The following C3orf22 variants were observed in gnomAD, a reference collection of about 807,000 sequenced individuals.
C3orf22 encodes the protein uncharacterized protein C3orf22.
In C3orf22, 7 loss-of-function variants were observed where a neutral mutation model predicts 10.8. The observed-to-expected ratio is 0.65, with a 90% CI of 0.37 to 1.22. The LOEUF (loss-of-function observed/expected upper bound fraction) is 1.22, where lower values mean the gene tolerates loss of function less well. C3orf22 is among the 50% of genes most tolerant of loss of function. C3orf22 has a pLI of 0.02. For synonymous variants in C3orf22, 79 were observed against 78.9 expected (o/e 1.00, Z 0.00); for missense variants, 173 against 177.0 (o/e 0.98, Z 0.13).
chr3:126,529,840 G>T lies in C3orf22; in HGVS notation c.287-468C>A, dbSNP rs558730942. Among the ~76,000 whole-genome samples the T allele has an allele frequency of 3.3e-4, 50 of 152,246 alleles. No individual in the cohort carries two copies. In the South Asian group the frequency reaches 8.9e-3, roughly 27 times the overall value. On this transcript the variant is annotated intron_variant and NMD_transcript_variant, in intron 4 of 5. Transcript: ENST00000505070. The stretch of plus-strand genomic sequence containing the variant: ...TGTTTCCTTTTTCTAAGCAGTCACC[G>T]CGTGGCTTTCCCTGTGCTGCTCTGG...
At position 126,553,293 on chromosome 3, in the gene C3orf22, C is replaced by T. The variant is rs1258905194; in HGVS notation, c.89+9G>A. ...AGGGCTTGTCTCCAGAGGTGTCAGC[C>T]TCCCGCACCTGTACGGAAACTTCTT... On this transcript the variant is annotated intron_variant, in intron 2 of 3. Coordinates refer to ENST00000318225, the MANE Select transcript of C3orf22 (RefSeq NM_152533.3). The T allele has an allele frequency of 1.9e-6, 3 of 1,605,696 alleles. No homozygotes were observed. Among genetic ancestry groups the T allele is most frequent in the Non-Finnish European group, 8.5e-7 (1 of 1,172,386 alleles).
At chr3:126,556,476 A>C (rs1937332566) in intron 1 of C3orf22, among the ~76,000 whole-genome samples, 1 of 151,904 alleles carries the variant, frequency 6.6e-6, no homozygotes, top group African/African-American at 2.4e-5. Flanking sequence ...TCCTGGGTGC[A>C]GCTCCCAAGT....
intron 1 of C3orf22, among the ~76,000 whole-genome samples, chr3:126,555,175 C>A (rs2107584853): frequency 6.6e-6 from 1 of 152,328 alleles, no homozygotes; most frequent in East Asian, 1.9e-4. Flanking sequence ...TTCACCAGAA[C>A]CCTAGGCCTG....
intron 4 of C3orf22, chr3:126,541,685 C>A: frequency 7.2e-7 from 1 of 1,380,790 alleles, no homozygotes; most frequent in African/African-American, 1.5e-5. Flanking sequence ...GTCAGGGAGC[C>A]CGCGCTGCCC....
chr3:126,556,698 ACACACACT>A (rs1937340888), intron 1 of C3orf22, among the ~76,000 whole-genome samples: 2 of 150,172 alleles, frequency 1.3e-5, no homozygotes, highest in South Asian at 4.2e-4. Context: ...TCATTCTCAC[ACACACACT>A]CACACAGACT....
At chr3:126,536,427 C>G in intron 4 of C3orf22, 1 of 1,178,078 alleles carries the variant, frequency 8.5e-7, no homozygotes, top group Admixed American at 1.8e-5. Context: ...ACAGTGCAGA[C>G]CTGCTGGCAT....
intron 1 of C3orf22, among the ~76,000 whole-genome samples, chr3:126,555,501 A>T (rs926781892): frequency 6.6e-6 from 1 of 151,940 alleles, no homozygotes; most frequent in African/African-American, 2.4e-5. Context: ...CCTGAGCTCC[A>T]CCTCCTGTCA....
rs200356409 is a variant in C3orf22, at chr3:126,552,017, C to T, written c.195G>A (p.Thr65=). Reference sequence around the variant, plus strand: ...CTTACCCTCGGACTGGGATGGACCTCGTTGGCACCAACCTCTTCTGCAGGG... The same window carrying T: ...CTTACCCTCGGACTGGGATGGACCTTGTTGGCACCAACCTCTTCTGCAGGG... The part of the protein sequence containing the change: ...QLPLQKRLVP[T]RSIPVRGLGA... The change falls in exon 3 of 4, where the codon ACG becomes ACA. Residue 65 remains threonine, a synonymous_variant. Transcript: ENST00000318225. 13 of 1,613,088 alleles carry T rather than the reference C, an allele frequency of 8.1e-6. No homozygotes were observed. The East Asian group carries it at 8.9e-5, about 11-fold the overall frequency.
chr3:126,547,978 G>GA (rs1937096678), downstream of C3orf22, among the ~76,000 whole-genome samples: 1 of 152,174 alleles, frequency 6.6e-6, no homozygotes, highest in African/African-American at 2.4e-5. Context: ...CTGTGGAGGG[G>GA]AAAAAGTTGC....
At chr3:126,541,834 G>A in intron 4 of C3orf22, 2 of 1,572,994 alleles carry the variant, frequency 1.3e-6, no homozygotes, top group South Asian at 1.2e-5. Context: ...TACAGCCGGA[G>A]GACCTGCGGC....
chr3:126,535,303 C>T (rs1560139847), intron 4 of C3orf22, among the ~76,000 whole-genome samples: 1 of 148,520 alleles, frequency 6.7e-6, no homozygotes, highest in Non-Finnish European at 1.5e-5. Flanking sequence ...CAGACAGCAT[C>T]GCTGTCCTCA....
intron 1 of C3orf22, 39 bp downstream of exon 1, chr3:126,558,588 G>A (rs1937408339): frequency 6.6e-6 from 1 of 152,472 alleles, no homozygotes; most frequent in Non-Finnish European, 1.5e-5. Context: ...ACCGACTTGG[G>A]GACTGTCCTT....
intron 4 of C3orf22, chr3:126,542,776 C>T: frequency 1.5e-6 from 1 of 687,858 alleles, no homozygotes; most frequent in Non-Finnish European, 2.1e-6. Flanking sequence ...ACGCGTGTGC[C>T]TGCCTCGGCC....
intron 4 of C3orf22, among the ~76,000 whole-genome samples, chr3:126,539,572 CAT>C (rs1295113749): frequency 1.4e-4 from 20 of 138,306 alleles, no homozygotes; most frequent in Admixed American, 1.4e-4. Flanking sequence ...CACACACACA[CAT>C]ATGTACCCCA....
intron 2 of C3orf22, 109 bp from the exon 3 acceptor site, chr3:126,552,231 C>A (rs1206835040): frequency 2.0e-6 from 3 of 1,514,570 alleles, no homozygotes; most frequent in Admixed American, 2.0e-5. Flanking sequence ...AAGTGCTTCA[C>A]AAATATTAGC....
At chr3:126,532,568 C>T (rs1936680875) in intron 4 of C3orf22, among the ~76,000 whole-genome samples, 1 of 152,206 alleles carries the variant, frequency 6.6e-6, no homozygotes, top group Non-Finnish European at 1.5e-5. Flanking sequence ...CATCAATAAT[C>T]AACTGACCAC....
intron 4 of C3orf22, chr3:126,543,298 G>T (rs1937012475): frequency 6.6e-6 from 1 of 152,184 alleles, no homozygotes; most frequent in Admixed American, 6.5e-5. Flanking sequence ...CTGATTTTTT[G>T]GAGTTTATCT....
chr3:126,547,945 AT>A (rs1937096256), downstream of C3orf22, among the ~76,000 whole-genome samples: 2 of 152,232 alleles, frequency 1.3e-5, no homozygotes, highest in Non-Finnish European at 2.9e-5. Context: ...TAGCATCATC[AT>A]CACATGACTC....
intron 4 of C3orf22, among the ~76,000 whole-genome samples, chr3:126,539,556 A>C: frequency 7.2e-6 from 1 of 139,644 alleles, no homozygotes; most frequent in South Asian, 2.4e-4. Context: ...CCGCACACAC[A>C]CTGCACACAC....
Sources: allele counts gnomAD v4.1 joint callset (sites outside exome capture counted in the v4.1 genomes callset), GRCh38; gene constraint gnomAD v4.1.1; transcripts MANE v1.5; gene names NCBI Gene and HGNC (gene_info 2026-07-23, HGNC 2026-07-21).